Variants in ESCO1 observed in about 807,000 individuals in gnomAD.
ESCO1 encodes N-acetyltransferase ESCO1.
A neutral mutation model predicts 83.5 loss-of-function variants in ESCO1; 33 were observed. The ratio of observed to expected loss-of-function variants is 0.40; its 90% confidence interval spans 0.30 to 0.53. ESCO1 has a LOEUF of 0.53. ESCO1 is among the 20% of genes least tolerant of loss of function. The pLI is 0.63. For missense variants in ESCO1, 855 were observed against 968.0 expected, an observed-to-expected ratio of 0.88 and a Z score of 1.55; for synonymous variants, 332 against 324.3, an observed-to-expected ratio of 1.02 and a Z score of -0.25.
At chr18:21,584,815 C>T (rs2038551215) in intron 1 of ESCO1, among the ~76,000 whole-genome samples, 1 of 151,892 alleles carries the variant, frequency 6.6e-6, no homozygotes, top group Non-Finnish European at 1.5e-5. Flanking sequence ...AGTGACACCC[C>T]CATCTCAACA....
intron 4 of ESCO1, among the ~76,000 whole-genome samples, chr18:21,570,176 C>G (rs1424150562): frequency 6.6e-6 from 1 of 152,216 alleles, no homozygotes; most frequent in African/African-American, 2.4e-5. Context: ...CAGCTCACTG[C>G]AGCCTCAACC....
intron 5 of ESCO1, among the ~76,000 whole-genome samples, chr18:21,567,155 T>C (rs1407175357): frequency 6.6e-6 from 1 of 152,096 alleles, no homozygotes; most frequent in Non-Finnish European, 1.5e-5. Flanking sequence ...CAAATAATTT[T>C]TTTTTCTTTT....
chr18:21,540,682 G>GGTGATT, intron 8 of ESCO1: 1 of 1,300,916 alleles, frequency 7.7e-7, no homozygotes, highest in African/African-American at 1.6e-5. Context: ...CCACACTCGT[G>GGTGATT]GTGATTAATG....
In ESCO1 at chr18:21,550,335, T is replaced by C. The variant is rs563972130; in HGVS notation, c.1954-10326A>G. 1.5e-3 allele frequency among the ~76,000 whole-genome samples: 228 copies of C among 152,340 alleles called. 1 individual carries two copies. Among genetic ancestry groups the C allele is most frequent in the African/African-American group, 5.0e-3 (206 of 41,582 alleles). Reference sequence around the variant, plus strand: ...ATCCAATTTTCCCAATTACGTTGATTAAGTGAACTTCTACTATAACATCTA... The same window carrying C: ...ATCCAATTTTCCCAATTACGTTGATCAAGTGAACTTCTACTATAACATCTA... On this transcript the variant is annotated intron_variant, in intron 8 of 11. Transcript: ENST00000269214.
intron 2 of ESCO1, among the ~76,000 whole-genome samples, chr18:21,579,841 C>CACAG (rs2038476345): frequency 6.8e-6 from 1 of 147,108 alleles, no homozygotes; most frequent in Non-Finnish European, 1.5e-5. Flanking sequence ...CACACACACA[C>CACAG]AGCAGGGAGG....
chr18:21,547,307 C>T (rs150190421), intron 8 of ESCO1, among the ~76,000 whole-genome samples: 187 of 146,256 alleles, frequency 1.3e-3, no homozygotes, highest in African/African-American at 4.3e-3. Flanking sequence ...AATAAGCCTA[C>T]GAAAAAATTA....
At chr18:21,542,085 C>A (rs2037914985) in intron 8 of ESCO1, among the ~76,000 whole-genome samples, 2 of 151,910 alleles carry the variant, frequency 1.3e-5, no homozygotes, top group Admixed American at 6.6e-5. Flanking sequence ...ACCTTTTTTT[C>A]ATGTACTAAA....
At chr18:21,597,462 C>T (rs1333581288) in intron 1 of ESCO1, among the ~76,000 whole-genome samples, 1 of 150,528 alleles carries the variant, frequency 6.6e-6, no homozygotes, top group African/African-American at 2.4e-5. Context: ...GAGCTCAAGG[C>T]CAGCCTGGGC....
chr18:21,595,275 T>C (rs1046660956), intron 1 of ESCO1, among the ~76,000 whole-genome samples: 4 of 150,154 alleles, frequency 2.7e-5, no homozygotes, highest in African/African-American at 7.4e-5. Flanking sequence ...ACAGTATCTG[T>C]GTTACAAAGA....
chr18:21,543,512 A>G (rs1045982736), intron 8 of ESCO1, among the ~76,000 whole-genome samples: 1 of 152,148 alleles, frequency 6.6e-6, no homozygotes, highest in African/African-American at 2.4e-5. Context: ...TCCTTTTTCC[A>G]TCAAAAAAAG....
At chr18:21,575,912 T>A (rs2038413395) in intron 2 of ESCO1, 135 bp from the exon 3 acceptor site, 1 of 391,926 alleles carries the variant, frequency 2.6e-6, no homozygotes, top group Admixed American at 4.4e-5. Flanking sequence ...TCAAAGCTCA[T>A]ATTACACGTA....
At chr18:21,590,119 G>A (rs1012515863) in intron 1 of ESCO1, among the ~76,000 whole-genome samples, 7 of 146,554 alleles carry the variant, frequency 4.8e-5, no homozygotes, top group Admixed American at 2.0e-4. Flanking sequence ...GAGCCACTGC[G>A]TCCGGCCGCA....
At chr18:21,591,709 T>C (rs1170409213) in intron 1 of ESCO1, among the ~76,000 whole-genome samples, 1 of 151,824 alleles carries the variant, frequency 6.6e-6, no homozygotes. Flanking sequence ...CTTGGGTGTT[T>C]CTCACAGAGG....
intron 4 of ESCO1, among the ~76,000 whole-genome samples, chr18:21,570,827 A>C (rs903002208): frequency 2.0e-5 from 3 of 152,046 alleles, no homozygotes; most frequent in Non-Finnish European, 4.4e-5. Flanking sequence ...AACACAAAAA[A>C]TTAGCCGGGC....
At chr18:21,546,870 T>C (rs145872355) in intron 8 of ESCO1, among the ~76,000 whole-genome samples, 12 of 152,320 alleles carry the variant, frequency 7.9e-5, no homozygotes, top group Admixed American at 2.0e-4. Context: ...AAACCTTCAA[T>C]GCCTTCCTGC....
chr18:21,530,512 G>T, intron 11 of ESCO1, 22 bp from the exon 12 acceptor site: 4 of 1,440,760 alleles, frequency 2.8e-6, no homozygotes, highest in South Asian at 1.3e-5. Context: ...AAATGGGGGG[G>T]GGGAAGGGTT....
At chr18:21,585,902 ATTTT>A (rs1195203171) in intron 1 of ESCO1, among the ~76,000 whole-genome samples, 1 of 152,034 alleles carries the variant, frequency 6.6e-6, no homozygotes, top group East Asian at 1.9e-4. Context: ...GCCTAAAAGA[ATTTT>A]TTTATTGATA....
Position 21,574,515 on chromosome 18 carries a change from T to C in ESCO1, c.329A>G (p.Glu110Gly), listed in dbSNP as rs2038392546. Residue 110 changes from glutamate to glycine, a missense_variant, in exon 4 of 12, where the codon GAA (glutamate) becomes GGA (glycine). Transcript: ENST00000269214. ...KKLSQKKLVH[E>G]NPKANEQLNR... is the part of the protein sequence containing the mutation. ...AAGCTGTTCATTTGCTTTAGGGTTTTCATGTACTAATTTTTTCTGAGATAA... is the reference window on the plus strand; with the variant it reads ...AAGCTGTTCATTTGCTTTAGGGTTTCCATGTACTAATTTTTTCTGAGATAA... The C allele has an allele frequency of 6.2e-7, 1 of 1,613,916 alleles. No individual in the cohort carries two copies. The highest frequency in any genetic ancestry group is 8.5e-7 in the Non-Finnish European group (1 of 1,179,970).
intron 5 of ESCO1, among the ~76,000 whole-genome samples, chr18:21,567,190 T>G (rs2038273985): frequency 6.6e-6 from 1 of 152,158 alleles, no homozygotes; most frequent in Non-Finnish European, 1.5e-5. Flanking sequence ...TGAGACAGAT[T>G]CTCACTCTGT....
Sources: allele counts gnomAD v4.1 joint callset (sites outside exome capture counted in the v4.1 genomes callset), GRCh38; gene constraint gnomAD v4.1.1; transcripts MANE v1.5; gene names NCBI Gene and HGNC (gene_info 2026-07-23, HGNC 2026-07-21).